Variants in NAA16 observed in about 807,000 individuals in gnomAD.
The protein encoded by NAA16 is N-alpha-acetyltransferase 16, NatA auxiliary subunit, also known as NARG1-like protein.
In NAA16, 97 loss-of-function variants were observed where a neutral mutation model predicts 110.3. The ratio of observed to expected loss-of-function variants is 0.88; its 90% CI spans 0.75 to 1.04. NAA16 has a LOEUF of 1.04. NAA16 is among the 50% of genes least tolerant of loss of function. The pLI is 0.00. For missense variants in NAA16, 1,017 were observed against 1,005.1 expected (o/e 1.01, Z -0.16); for synonymous variants, 372 against 330.6 (o/e 1.13, Z -1.36).
At chr13:41,369,703 C>T (rs1262072331) in intron 15 of NAA16, among the ~76,000 whole-genome samples, 2 of 152,138 alleles carry the variant, frequency 1.3e-5, no homozygotes, top group Non-Finnish European at 2.9e-5. Context: ...CAGAATGATG[C>T]AATGTGAGGA....
intron 2 of NAA16, 65 bp from the exon 3 acceptor site, chr13:41,318,741 C>T: frequency 1.3e-6 from 1 of 757,250 alleles, no homozygotes; most frequent in African/African-American, 1.8e-5. Context: ...TATTAAAGTA[C>T]TATTAAGAGA....
Position 41,318,897 on chromosome 13 carries a change from C to T in NAA16, c.231C>T (p.Val77=). The T allele has an allele frequency of 6.3e-7, 1 of 1,585,810 alleles. No homozygotes were observed. Among genetic ancestry groups the T allele is most frequent in the Non-Finnish European group, 8.6e-7 (1 of 1,164,372 alleles). ...TTCGTAAAGGACTTCGTAATGATGT[C>T]AAGAGTCATGTCTGTATCCTTTTGC... ...EFVRKGLRND[V]KSHVCWHVYG... is the part of the protein sequence containing the mutation. Residue 77 remains valine, a synonymous_variant, in exon 3 of 20, where the codon GTC becomes GTT. Coordinates refer to ENST00000379406, the MANE Select transcript of NAA16 (RefSeq NM_024561.5).
intron 9 of NAA16, among the ~76,000 whole-genome samples, chr13:41,351,738 G>T (rs1243311730): frequency 6.7e-6 from 1 of 150,266 alleles, no homozygotes; most frequent in African/African-American, 2.5e-5. Context: ...AGGAGAAGGT[G>T]GCTGAACTTG....
chr13:41,324,893 A>T (rs2042048901), intron 5 of NAA16, among the ~76,000 whole-genome samples: 1 of 151,194 alleles, frequency 6.6e-6, no homozygotes, highest in African/African-American at 2.4e-5. Context: ...TTTTTTTTTA[A>T]GACATAATGC....
At chr13:41,316,083 CAAAATA>C (rs1472911240) in intron 1 of NAA16, among the ~76,000 whole-genome samples, 2 of 152,004 alleles carry the variant, frequency 1.3e-5, no homozygotes, top group African/African-American at 2.4e-5. Flanking sequence ...GAAAGGGAAA[CAAAATA>C]AAAAATTCTG....
chr13:41,332,958 G>C (rs1253742976), intron 8 of NAA16, among the ~76,000 whole-genome samples: 1 of 152,044 alleles, frequency 6.6e-6, no homozygotes. Context: ...GTAGAATACA[G>C]AGAGCAGATT....
rs56724144 is a variant in NAA16, at chr13:41,375,968, C to T, written c.*366C>T. On this transcript the variant is annotated 3_prime_UTR_variant, in exon 20 of 20. Coordinates refer to ENST00000379406, the MANE Select transcript of NAA16 (RefSeq NM_024561.5). ...ATTTGCTTGCTTTTTAATTAAAGCA[C>T]ATCAGTTTTAAAGTGTTAACTATAT... The T allele has an allele frequency of 0.069, 11,356 of 164,368 alleles. 1,388 individuals are homozygous for T. Among genetic ancestry groups the T allele is most frequent in the African/African-American group, 0.26 (10,642 of 41,684 alleles). 10.2% of individuals were successfully genotyped at this position (164,368 alleles called of 1,614,324 possible).
intron 6 of NAA16, among the ~76,000 whole-genome samples, chr13:41,327,094 T>G (rs891066771): frequency 6.6e-6 from 1 of 152,156 alleles, no homozygotes; most frequent in Non-Finnish European, 1.5e-5. Flanking sequence ...CTTTTTTCAC[T>G]TAGTAGTGTA....
chr13:41,345,415 CA>C (rs770117705), intron 9 of NAA16, among the ~76,000 whole-genome samples: 21 of 152,244 alleles, frequency 1.4e-4, no homozygotes, highest in Non-Finnish European at 2.5e-4. Flanking sequence ...TTTTGCTTTG[CA>C]TTTCCTGATT....
At chr13:41,338,887 G>A (rs1385466322) in intron 9 of NAA16, among the ~76,000 whole-genome samples, 1 of 152,032 alleles carries the variant, frequency 6.6e-6, no homozygotes, top group African/African-American at 2.4e-5. Context: ...CTGCACCCCA[G>A]GAAGCCATTT....
chr13:41,325,039 A>G (rs1408887323), intron 5 of NAA16, among the ~76,000 whole-genome samples: 1 of 148,608 alleles, frequency 6.7e-6, no homozygotes, highest in Non-Finnish European at 1.5e-5. Context: ...GCTCACTGCA[A>G]CCTCCACTTC....
rs906455154 is a variant in NAA16, at chr13:41,328,943, G to A, written c.811+100G>A. ...TTGGGAACAAATAATTTTAGCATTAGTACTCATTTTTCCATTTAGTAAAAT... is the reference window on the plus strand; with the variant it reads ...TTGGGAACAAATAATTTTAGCATTAATACTCATTTTTCCATTTAGTAAAAT... On this transcript the variant is annotated intron_variant, in intron 7 of 19. Coordinates refer to ENST00000379406, the MANE Select transcript of NAA16 (RefSeq NM_024561.5). The A allele has an allele frequency of 2.9e-6, 3 of 1,037,564 alleles. No individual in the cohort carries two copies. The African/African-American group carries it at 4.9e-5, about 17-fold the overall frequency. 64.3% of individuals were successfully genotyped at this position (1,037,564 alleles called of 1,614,324 possible). A position where few individuals can be genotyped will look rare whatever the true frequency, so the allele number is the denominator to read the frequency against.
At chr13:41,318,512 A>AT (rs1371804603) in intron 2 of NAA16, among the ~76,000 whole-genome samples, 3 of 152,180 alleles carry the variant, frequency 2.0e-5, no homozygotes, top group African/African-American at 7.2e-5. Context: ...TGCTTTGTTA[A>AT]TTTTTTCAGC....
intron 15 of NAA16, 64 bp from the exon 16 acceptor site, chr13:41,372,139 T>A: frequency 1.5e-6 from 2 of 1,300,690 alleles, no homozygotes; most frequent in South Asian, 3.3e-5. Context: ...TAATATAAAA[T>A]TTTAGGGGAA....
At chr13:41,325,667 C>G in intron 5 of NAA16, 31 bp from the exon 6 acceptor site, 1 of 1,447,892 alleles carries the variant, frequency 6.9e-7, no homozygotes, top group East Asian at 2.3e-5. Context: ...TATAATTATA[C>G]AAATAAAGTA....
chr13:41,319,223 T>G (rs2041884437), intron 3 of NAA16, among the ~76,000 whole-genome samples: 1 of 152,186 alleles, frequency 6.6e-6, no homozygotes, highest in Non-Finnish European at 1.5e-5. Flanking sequence ...CTTTGGTAAT[T>G]GTGACTTGAA....
chr13:41,369,159 T>TAGA lies in NAA16; in HGVS notation c.1831_1833dup (p.Glu611dup), dbSNP rs747231507. 7 of 1,592,722 alleles carry TAGA rather than the reference T, an allele frequency of 4.4e-6. No individual in the cohort carries two copies. In the Admixed American group the frequency reaches 1.3e-4, roughly 28 times the overall value. On this transcript the variant is annotated inframe_insertion, in exon 15 of 20. Coordinates refer to ENST00000379406, the MANE Select transcript of NAA16 (RefSeq NM_024561.5). The stretch of plus-strand genomic sequence containing the variant: ...AGAAGAGCTCAGAAAAAGGCTAAAC[T>TAGA]AGAAGAAGAAAGAAAGCATGCAGAA...
At chr13:41,325,214 C>T (rs2042059800) in intron 5 of NAA16, among the ~76,000 whole-genome samples, 1 of 152,014 alleles carries the variant, frequency 6.6e-6, no homozygotes, top group South Asian at 2.1e-4. Context: ...CTCAGCCTCC[C>T]AAAGACCTGG....
intron 14 of NAA16, 123 bp downstream of exon 14, chr13:41,367,775 A>G: frequency 1.6e-6 from 1 of 638,618 alleles, no homozygotes; most frequent in East Asian, 3.0e-5. Context: ...AACATTAGAT[A>G]ACTCATATGC....
Sources: allele counts gnomAD v4.1 joint callset (sites outside exome capture counted in the v4.1 genomes callset), GRCh38; gene constraint gnomAD v4.1.1; transcripts MANE v1.5; gene names NCBI Gene and HGNC (gene_info 2026-07-23, HGNC 2026-07-21).